The following ANAPC10 variants were observed in gnomAD, a reference collection of about 807,000 sequenced individuals.
ANAPC10 encodes the protein anaphase promoting complex subunit 10, also known as anaphase-promoting complex subunit 10.
ANAPC10 carries 12 observed loss-of-function variants against 22.0 expected under a neutral mutation model. The observed-to-expected ratio is 0.55, with a 90% CI of 0.35 to 0.88. ANAPC10 has a LOEUF of 0.88. ANAPC10 is among the 40% of genes least tolerant of loss of function. The pLI, the probability that ANAPC10 is intolerant of heterozygous loss-of-function variation, is 0.01. For missense variants in ANAPC10, 188 were observed against 220.9 expected (o/e 0.85, Z 0.94); for synonymous variants, 65 against 69.5 (o/e 0.94, Z 0.32).
chr4:145,026,347 G>A (rs528951378), intron 4 of ANAPC10, among the ~76,000 whole-genome samples: 12 of 152,222 alleles, frequency 7.9e-5, no homozygotes, highest in African/African-American at 2.4e-4. Context: ...CTGTTCTCTT[G>A]TAAGTGATGT....
At chr4:145,038,641 T>C (rs1162537402) in intron 4 of ANAPC10, among the ~76,000 whole-genome samples, 1 of 151,844 alleles carries the variant, frequency 6.6e-6, no homozygotes, top group Non-Finnish European at 1.5e-5. Flanking sequence ...CCTAACATGA[T>C]GCAACCCTGT....
intron 4 of ANAPC10, among the ~76,000 whole-genome samples, chr4:145,001,089 C>T (rs113795112): frequency 9.9e-4 from 151 of 151,778 alleles, no homozygotes; most frequent in Middle Eastern, 3.4e-3. Context: ...ATGTAAATGA[C>T]GAGTTAATGG....
intron 4 of ANAPC10, among the ~76,000 whole-genome samples, chr4:144,995,849 G>A (rs775903593): frequency 4.6e-5 from 7 of 152,194 alleles, no homozygotes; most frequent in East Asian, 1.9e-4. Flanking sequence ...TACTGAACTC[G>A]TACAATTTAT....
At chr4:145,049,617 T>C (rs867651145) in intron 4 of ANAPC10, among the ~76,000 whole-genome samples, 3 of 152,260 alleles carry the variant, frequency 2.0e-5, no homozygotes, top group Middle Eastern at 3.4e-3. Flanking sequence ...TCTCTCTCTG[T>C]AGCCCATGCT....
At chr4:145,007,613 T>C (rs1056405350) in intron 4 of ANAPC10, among the ~76,000 whole-genome samples, 3 of 152,170 alleles carry the variant, frequency 2.0e-5, no homozygotes, top group Non-Finnish European at 2.9e-5. Flanking sequence ...GAAATAAAGA[T>C]GTTTTTTGAA....
chr4:145,082,186 G>C (rs1031262323), intron 2 of ANAPC10, among the ~76,000 whole-genome samples: 1 of 152,140 alleles, frequency 6.6e-6, no homozygotes, highest in South Asian at 2.1e-4. Flanking sequence ...TTTCACTCTC[G>C]TGGCCCAAGC....
At chr4:145,086,088 G>C (rs1483588585) in intron 2 of ANAPC10, among the ~76,000 whole-genome samples, 1 of 152,022 alleles carries the variant, frequency 6.6e-6, no homozygotes, top group Non-Finnish European at 1.5e-5. Context: ...GCCTCCCCCA[G>C]AGTAGCTGGG....
Position 144,997,994 on chromosome 4 carries a change from A to C in ANAPC10, c.328-2391T>G, listed in dbSNP as rs867637159. On this transcript the variant is annotated intron_variant, in intron 4 of 4. Transcript: ENST00000507656. ...CAAAAGAGACAAAGAAGGCCATTACATAATGGTAAAGGGATCAATTCAACA... is the reference window on the plus strand; with the variant it reads ...CAAAAGAGACAAAGAAGGCCATTACCTAATGGTAAAGGGATCAATTCAACA... Among the ~76,000 whole-genome samples, 6 of 152,344 alleles carry C rather than the reference A, an allele frequency of 3.9e-5. 1 individual carries two copies. Among genetic ancestry groups the C allele is most frequent in the African/African-American group, 7.2e-5 (3 of 41,586 alleles).
At chr4:145,058,831 A>G (rs1018312981) in intron 4 of ANAPC10, among the ~76,000 whole-genome samples, 1 of 152,188 alleles carries the variant, frequency 6.6e-6, no homozygotes, top group African/African-American at 2.4e-5. Context: ...AGTGATGCAT[A>G]CAATAATAAA....
intron 3 of ANAPC10, among the ~76,000 whole-genome samples, chr4:145,069,851 G>C (rs1744237050): frequency 6.6e-6 from 1 of 151,822 alleles, no homozygotes; most frequent in African/African-American, 2.4e-5. Context: ...GCTATTTTTT[G>C]TGAACCAAAA....
chr4:145,044,375 G>A (rs1012760877), intron 4 of ANAPC10, among the ~76,000 whole-genome samples: 4 of 151,974 alleles, frequency 2.6e-5, no homozygotes, highest in Non-Finnish European at 2.9e-5. Context: ...GATTCAAGAA[G>A]GTTAAAATCA....
At chr4:145,017,360 C>T (rs2126963822) in intron 4 of ANAPC10, among the ~76,000 whole-genome samples, 1 of 152,214 alleles carries the variant, frequency 6.6e-6, no homozygotes, top group Middle Eastern at 3.4e-3. Context: ...TCAACAGACA[C>T]ATGAAAAAAT....
intron 4 of ANAPC10, among the ~76,000 whole-genome samples, chr4:145,029,867 T>A (rs980597661): frequency 6.6e-6 from 1 of 152,040 alleles, no homozygotes; most frequent in Non-Finnish European, 1.5e-5. Flanking sequence ...CAAAACAGAT[T>A]TGTGAGGGCA....
intron 4 of ANAPC10, among the ~76,000 whole-genome samples, chr4:145,037,521 A>C (rs575581206): frequency 6.6e-6 from 1 of 152,350 alleles, no homozygotes; most frequent in African/African-American, 2.4e-5. Flanking sequence ...AGGCTATTTG[A>C]TATCATGCCA....
At chr4:145,036,819 C>A (rs961676340) in intron 4 of ANAPC10, among the ~76,000 whole-genome samples, 7 of 152,036 alleles carry the variant, frequency 4.6e-5, no homozygotes, top group Non-Finnish European at 1.0e-4. Context: ...ACTTCGAGTT[C>A]AAAAACAAGC....
intron 4 of ANAPC10, among the ~76,000 whole-genome samples, chr4:145,062,237 T>C (rs568869620): frequency 2.6e-5 from 4 of 152,214 alleles, no homozygotes; most frequent in African/African-American, 9.6e-5. Flanking sequence ...AAGAAATGTT[T>C]TTAAATTAAA....
chr4:145,075,916 G>C (rs1220025333), intron 3 of ANAPC10, among the ~76,000 whole-genome samples: 1 of 152,176 alleles, frequency 6.6e-6, no homozygotes, highest in African/African-American at 2.4e-5. Flanking sequence ...TTTGTTGACT[G>C]TTGGACCTGC....
intron 4 of ANAPC10, among the ~76,000 whole-genome samples, chr4:145,038,630 G>T (rs1422278430): frequency 6.6e-6 from 1 of 152,038 alleles, no homozygotes; most frequent in Admixed American, 6.5e-5. Flanking sequence ...TTCGAGACCA[G>T]CCTAACATGA....
intron 3 of ANAPC10, among the ~76,000 whole-genome samples, chr4:145,067,780 T>C (rs1743923058): frequency 6.6e-6 from 1 of 152,222 alleles, no homozygotes; most frequent in South Asian, 2.1e-4. Flanking sequence ...CCTAGTTGCC[T>C]AACCTAAAAT....
Sources: gnomAD v4.1 joint callset for allele counts (sites outside exome capture counted in the v4.1 genomes callset) on GRCh38, gnomAD v4.1.1 for gene constraint, MANE v1.5 for transcripts, NCBI Gene and HGNC (gene_info 2026-07-23, HGNC 2026-07-21) for gene names.